SH3RF2: variants seen among roughly 807,000 people sequenced by gnomAD.
SH3RF2 encodes SH3 domain containing ring finger 2.
Under a neutral mutation model 59.0 loss-of-function variants are expected in SH3RF2, and 43 were observed. The ratio of observed to expected loss-of-function variants is 0.73; its 90% confidence interval spans 0.57 to 0.94. The LOEUF is 0.94. Among genes scored for constraint, SH3RF2 ranks in the 40% least tolerant of loss-of-function variants. The pLI, the probability that SH3RF2 is intolerant of heterozygous loss-of-function variation, is 0.00. For synonymous variants in SH3RF2, 391 were observed against 391.5 expected (o/e 1.00, Z 0.01); for missense variants, 930 against 940.1 (o/e 0.99, Z 0.14).
At chr5:146,071,336 G>C (rs73313950) in intron 9 of SH3RF2, among the ~76,000 whole-genome samples, 1 of 152,162 alleles carries the variant, frequency 6.6e-6, no homozygotes, top group Non-Finnish European at 1.5e-5. Context: ...TGCATTGCAC[G>C]AAGAGGACAT....
chr5:146,039,191 T>C (rs1421527936), intron 5 of SH3RF2, among the ~76,000 whole-genome samples: 2 of 152,116 alleles, frequency 1.3e-5, no homozygotes, highest in Non-Finnish European at 2.9e-5. Flanking sequence ...CTATAAAACT[T>C]TTAGAAGACA....
At chr5:145,984,202 C>T (rs1024662494) in intron 2 of SH3RF2, among the ~76,000 whole-genome samples, 11 of 152,030 alleles carry the variant, frequency 7.2e-5, no homozygotes, top group South Asian at 4.1e-4. Flanking sequence ...AATGAGTAGA[C>T]GTAGCAAGTA....
At chr5:146,064,686 GAAAGAAAGAAAGAAAGAAAGAAAGAA>G (rs1763019332), downstream of SH3RF2, among the ~76,000 whole-genome samples, 1 of 3,802 alleles carries the variant, frequency 2.6e-4, no homozygotes, top group Non-Finnish European at 7.2e-4. Context: ...AAGAAAGAAA[GAAAGAAAGAAAGAAAGAAAGAAAGAA>G]AGAAAGAAAG....
intron 2 of SH3RF2, among the ~76,000 whole-genome samples, chr5:145,953,966 C>T (rs1333135588): frequency 6.6e-6 from 1 of 152,150 alleles, no homozygotes; most frequent in Non-Finnish European, 1.5e-5. Context: ...CATTGATGGG[C>T]ATTTAGATTG....
intron 7 of SH3RF2, among the ~76,000 whole-genome samples, chr5:146,051,540 T>C (rs1457524266): frequency 1.3e-5 from 2 of 152,076 alleles, no homozygotes; most frequent in East Asian, 3.9e-4. Flanking sequence ...TTCTAAAAGA[T>C]AAAATGTCAG....
intron 2 of SH3RF2, among the ~76,000 whole-genome samples, chr5:145,966,001 A>G (rs998220682): frequency 2.0e-5 from 3 of 152,212 alleles, no homozygotes. Flanking sequence ...CAAAGGGAAC[A>G]GTAGCTTGTG....
At chr5:145,972,297 A>T (rs1279309384) in intron 2 of SH3RF2, among the ~76,000 whole-genome samples, 1 of 152,226 alleles carries the variant, frequency 6.6e-6, no homozygotes, top group African/African-American at 2.4e-5. Context: ...GGTGAAGAGG[A>T]TGGGGAATAT....
chr5:146,050,015 T>C (rs1035084671), intron 7 of SH3RF2: 1 of 152,234 alleles, frequency 6.6e-6, no homozygotes, highest in African/African-American at 2.4e-5. Flanking sequence ...AGGGTCACAA[T>C]CACAGGGAAA....
rs747780233 is a variant in SH3RF2, at chr5:146,004,093, G to T, written c.684G>T (p.Glu228Asp). Reference sequence around the variant, plus strand: ...TCACTGTGATCAGCCGAGTGGATGAGAACTGGGCAGAAGGCAAGTTAGGAG... The same window carrying T: ...TCACTGTGATCAGCCGAGTGGATGATAACTGGGCAGAAGGCAAGTTAGGAG... ...DIITVISRVD[E>D]NWAEGKLGDK... The change falls in exon 4 of 10, where the codon GAG (glutamate) becomes GAT (aspartate). Residue 228 changes from glutamate to aspartate, a missense_variant. Glu to Asp is a conservative substitution (Grantham distance 45, BLOSUM62 2). Transcript: ENST00000359120. 26 of 1,613,086 alleles carry T rather than the reference G, an allele frequency of 1.6e-5. No homozygotes were observed. The highest frequency in any genetic ancestry group is 2.1e-5 in the Non-Finnish European group (25 of 1,179,300).
chr5:146,049,455 T>C (rs1449777649), intron 7 of SH3RF2, among the ~76,000 whole-genome samples: 1 of 152,252 alleles, frequency 6.6e-6, no homozygotes, highest in African/African-American at 2.4e-5. Flanking sequence ...AGCACTTTTG[T>C]ATCTCTTAGC....
intron 2 of SH3RF2, among the ~76,000 whole-genome samples, chr5:145,966,457 TACTC>T (rs1758859266): frequency 6.6e-6 from 1 of 151,406 alleles, no homozygotes; most frequent in East Asian, 1.9e-4. Context: ...ATGCTGTAAA[TACTC>T]AATAAATGTT....
At chr5:146,017,454 C>T (rs1761147429) in intron 5 of SH3RF2, among the ~76,000 whole-genome samples, 1 of 152,118 alleles carries the variant, frequency 6.6e-6, no homozygotes. Flanking sequence ...CTCTGCCTCC[C>T]ACACTCACAG....
chr5:145,954,963 C>T (rs1051871075), intron 2 of SH3RF2, among the ~76,000 whole-genome samples: 1 of 152,056 alleles, frequency 6.6e-6, no homozygotes, highest in African/African-American at 2.4e-5. Context: ...GTGCCACACA[C>T]TTTTAAATGA....
At chr5:146,026,295 G>T (rs947812223) in intron 5 of SH3RF2, among the ~76,000 whole-genome samples, 3 of 152,120 alleles carry the variant, frequency 2.0e-5, no homozygotes, top group Admixed American at 2.0e-4. Context: ...ATAGTCCCAG[G>T]TGGCAGTAAC....
chr5:146,000,194 G>A lies in SH3RF2; in HGVS notation c.515G>A (p.Gly172Glu). ...CAGGGGGAAATCAATGGCATCAGCGGGAACTTCCCAGCCAGCTCCGTGGAA... is the reference window on the plus strand; with the variant it reads ...CAGGGGGAAATCAATGGCATCAGCGAGAACTTCCCAGCCAGCTCCGTGGAA... The part of the protein sequence containing the change: ...WYQGEINGIS[G>E]NFPASSVEVI... The change falls in exon 3 of 10, where the codon GGG becomes GAG. Residue 172 changes from glycine to glutamate, a missense_variant. Transcript: ENST00000359120. The A allele has an allele frequency of 4.3e-6, 7 of 1,613,550 alleles. No homozygotes were observed. Among genetic ancestry groups the A allele is most frequent in the Non-Finnish European group, 5.9e-6 (7 of 1,179,786 alleles).
chr5:146,024,226 A>T (rs1291677509), intron 5 of SH3RF2, among the ~76,000 whole-genome samples: 1 of 152,190 alleles, frequency 6.6e-6, no homozygotes, highest in African/African-American at 2.4e-5. Context: ...ATTTCCCCAC[A>T]TCTTCGCCAA....
At chr5:145,973,583 G>GTGCTTCT (rs1188046506) in intron 2 of SH3RF2, among the ~76,000 whole-genome samples, 5 of 152,206 alleles carry the variant, frequency 3.3e-5, no homozygotes, top group African/African-American at 1.2e-4. Flanking sequence ...GAAAGAGATA[G>GTGCTTCT]TGCTTCTATT....
intron 2 of SH3RF2, among the ~76,000 whole-genome samples, chr5:145,948,869 T>A (rs2149944276): frequency 6.6e-6 from 1 of 152,360 alleles, no homozygotes; most frequent in Admixed American, 6.5e-5. Flanking sequence ...TCTTTTCTAC[T>A]AGACTATAAG....
intron 2 of SH3RF2, among the ~76,000 whole-genome samples, chr5:145,946,928 G>T (rs2149942913): frequency 6.6e-6 from 1 of 152,242 alleles, no homozygotes; most frequent in East Asian, 1.9e-4. Flanking sequence ...TGCTGCCAAA[G>T]CCCTAATTTT....
Sources: gnomAD v4.1 joint callset for allele counts (sites outside exome capture counted in the v4.1 genomes callset) on GRCh38, gnomAD v4.1.1 for gene constraint, MANE v1.5 for transcripts, NCBI Gene and HGNC (gene_info 2026-07-23, HGNC 2026-07-21) for gene names.